OSBPL1A: variants seen among roughly 807,000 people sequenced by gnomAD.
OSBPL1A encodes oxysterol-binding protein-related protein 1.
A neutral mutation model predicts 137.1 loss-of-function variants in OSBPL1A; 80 were observed. That is an observed-to-expected ratio of 0.58 (90% CI 0.49 to 0.70). The LOEUF is 0.70. OSBPL1A is among the 30% of genes least tolerant of loss of function. OSBPL1A has a pLI of 0.00. For missense variants in OSBPL1A, 970 were observed against 1,129.4 expected, an observed-to-expected ratio of 0.86 and a Z score of 2.02; for synonymous variants, 365 against 389.7, an observed-to-expected ratio of 0.94 and a Z score of 0.75.
chr18:24,322,578 A>T (rs2146127764), intron 7 of OSBPL1A, among the ~76,000 whole-genome samples: 1 of 152,322 alleles, frequency 6.6e-6, no homozygotes, highest in African/African-American at 2.4e-5. Context: ...CCTAGCACAT[A>T]GGAAAATGCC....
chr18:24,279,269 A>AT (rs1356955070), intron 15 of OSBPL1A, among the ~76,000 whole-genome samples: 5 of 151,424 alleles, frequency 3.3e-5, no homozygotes, highest in Admixed American at 3.3e-4. Flanking sequence ...AAAAAAAAAA[A>AT]AAATCAAAAA....
At chr18:24,385,233 C>G (rs994704057) in intron 1 of OSBPL1A, among the ~76,000 whole-genome samples, 1 of 152,080 alleles carries the variant, frequency 6.6e-6, no homozygotes, top group East Asian at 1.9e-4. Flanking sequence ...GGATTACAGG[C>G]ATGAGCCACC....
At chr18:24,193,046 T>G (rs1034931123) in intron 18 of OSBPL1A, among the ~76,000 whole-genome samples, 2 of 152,146 alleles carry the variant, frequency 1.3e-5, no homozygotes, top group Non-Finnish European at 2.9e-5. Context: ...CTTCCACTCT[T>G]AGGACTTATT....
intron 13 of OSBPL1A, among the ~76,000 whole-genome samples, chr18:24,310,615 A>G (rs1181930807): frequency 1.3e-5 from 2 of 150,654 alleles, no homozygotes; most frequent in African/African-American, 4.9e-5. Flanking sequence ...AAAAAAAAAA[A>G]AAGAAAAGAA....
At chr18:24,347,409 T>C (rs2146165534) in intron 4 of OSBPL1A, among the ~76,000 whole-genome samples, 1 of 152,258 alleles carries the variant, frequency 6.6e-6, no homozygotes, top group South Asian at 2.1e-4. Flanking sequence ...GGTCTTGAAC[T>C]CTTGACCTCA....
chr18:24,216,857 A>G (rs2087717748), intron 17 of OSBPL1A, among the ~76,000 whole-genome samples: 1 of 152,090 alleles, frequency 6.6e-6, no homozygotes, highest in African/African-American at 2.4e-5. Flanking sequence ...TACCACTCAG[A>G]TTGTTATTTC....
chr18:24,305,786 T>C (rs1252059671), intron 13 of OSBPL1A, among the ~76,000 whole-genome samples: 1 of 152,174 alleles, frequency 6.6e-6, no homozygotes, highest in Non-Finnish European at 1.5e-5. Context: ...GCTTTTCCTG[T>C]GCTGTTCTCA....
intron 15 of OSBPL1A, among the ~76,000 whole-genome samples, chr18:24,270,558 T>A (rs1262660333): frequency 2.0e-5 from 3 of 152,170 alleles, no homozygotes; most frequent in Non-Finnish European, 4.4e-5. Flanking sequence ...CTGGCAAAAG[T>A]AGCACTGGGA....
chr18:24,321,929 T>G (rs2146126706), intron 7 of OSBPL1A, among the ~76,000 whole-genome samples: 1 of 152,154 alleles, frequency 6.6e-6, no homozygotes, highest in East Asian at 1.9e-4. Context: ...CATGATTTTT[T>G]TTAAAAAGGT....
At chr18:24,356,317 A>T (rs756824215) in intron 4 of OSBPL1A, among the ~76,000 whole-genome samples, 1 of 152,194 alleles carries the variant, frequency 6.6e-6, no homozygotes, top group Non-Finnish European at 1.5e-5. Context: ...AACTGTCGTG[A>T]ATTCCCCCGA....
At chr18:24,314,721 A>G (rs1342185980) in intron 11 of OSBPL1A, among the ~76,000 whole-genome samples, 1 of 152,210 alleles carries the variant, frequency 6.6e-6, no homozygotes, top group Non-Finnish European at 1.5e-5. Flanking sequence ...AGCTGAGTAT[A>G]AAATAATCAG....
chr18:24,166,449 C>A lies in OSBPL1A; in HGVS notation c.2659+130G>T, dbSNP rs1416166268. 5.2e-6 allele frequency: 6 copies of A among 1,161,892 alleles called. No homozygotes were observed. The African/African-American group carries it at 8.0e-5, about 15-fold the overall frequency. 72.0% of individuals were successfully genotyped at this position (1,161,892 alleles called of 1,614,324 possible). On this transcript the variant is annotated intron_variant, in intron 26 of 27. Coordinates refer to ENST00000319481, the MANE Select transcript of OSBPL1A (RefSeq NM_080597.4). ...TTACTGAATTTAAATTGAATGTTAA[C>A]TCAAACTTAATCTCTAAGAGAGACT...
At chr18:24,185,555 G>A (rs1423751882) in intron 18 of OSBPL1A, among the ~76,000 whole-genome samples, 1 of 151,968 alleles carries the variant, frequency 6.6e-6, no homozygotes, top group African/African-American at 2.4e-5. Flanking sequence ...TCCTGACCTC[G>A]TGATCCGCCC....
At chr18:24,318,153 T>C (rs1452140192) in intron 9 of OSBPL1A, among the ~76,000 whole-genome samples, 2 of 151,974 alleles carry the variant, frequency 1.3e-5, no homozygotes, top group Non-Finnish European at 2.9e-5. Context: ...TCCAGTAGTA[T>C]AAAAGTGGCT....
intron 7 of OSBPL1A, among the ~76,000 whole-genome samples, chr18:24,319,671 A>G (rs1056225046): frequency 6.6e-6 from 1 of 151,080 alleles, no homozygotes; most frequent in African/African-American, 2.4e-5. Context: ...TAAATGAAGG[A>G]CAAAAGGTAA....
rs141943268 is a variant in OSBPL1A, at chr18:24,334,700, T to C, written c.395-370A>G. On this transcript the variant is annotated intron_variant, in intron 5 of 27. Transcript: ENST00000319481. ...GAAAAATAACAAGAAATAGCACTGA[T>C]AGAAAGATGTACATGTCGTATAAAT... Among the ~76,000 whole-genome samples, 87 of 152,310 alleles carry C rather than the reference T, an allele frequency of 5.7e-4. 1 individual carries two copies. The East Asian group carries it at 0.015, about 27-fold the overall frequency.
intron 17 of OSBPL1A, among the ~76,000 whole-genome samples, chr18:24,222,475 A>G (rs62087972): frequency 0.025 from 3,853 of 152,252 alleles, 69 homozygotes; most frequent in Non-Finnish European, 0.042. Flanking sequence ...AACATAATAA[A>G]TTAGGTCCAA....
At chr18:24,199,790 G>C (rs1195065265) in intron 17 of OSBPL1A, among the ~76,000 whole-genome samples, 1 of 152,116 alleles carries the variant, frequency 6.6e-6, no homozygotes, top group African/African-American at 2.4e-5. Context: ...CTTAAGGAAG[G>C]GTTTCAGACA....
chr18:24,292,167 G>A (rs2090185660), intron 14 of OSBPL1A, among the ~76,000 whole-genome samples: 1 of 152,172 alleles, frequency 6.6e-6, no homozygotes, highest in Admixed American at 6.6e-5. Flanking sequence ...ATAACCCAGT[G>A]AGGGTGAAAT....
Sources: gnomAD v4.1 joint callset for allele counts (sites outside exome capture counted in the v4.1 genomes callset) on GRCh38, gnomAD v4.1.1 for gene constraint, MANE v1.5 for transcripts, NCBI Gene and HGNC (gene_info 2026-07-23, HGNC 2026-07-21) for gene names.